Variants in SF3A1 observed in about 807,000 individuals in gnomAD.
The protein encoded by SF3A1 is splicing factor 3a subunit 1, also known as SAP 114.
Under a neutral mutation model 89.9 loss-of-function variants are expected in SF3A1, and 13 were observed. That is an observed-to-expected ratio of 0.14 (90% CI 0.09 to 0.23). The LOEUF is 0.23. SF3A1 is among the 10% of genes least tolerant of loss of function. The probability of loss-of-function intolerance (pLI) is 1.00; values close to 1 mark genes in which losing one functional copy is unlikely to be tolerated. For missense variants in SF3A1, 604 were observed against 1,022.1 expected (o/e 0.59, Z 5.58); for synonymous variants, 405 against 374.4 (o/e 1.08, Z -0.94).
chr22:30,336,053 C>T (rs915105368), intron 13 of SF3A1, among the ~76,000 whole-genome samples: 1 of 152,186 alleles, frequency 6.6e-6, no homozygotes, highest in Non-Finnish European at 1.5e-5. Context: ...CCTGCAGGGT[C>T]GGAAGACCTG....
Position 30,350,313 on chromosome 22 carries a change from T to TAAAAAAA in SF3A1, c.185+2631_185+2637dup, listed in dbSNP as rs898407699. Among the ~76,000 whole-genome samples the TAAAAAAA allele has an allele frequency of 6.5e-5, 9 of 139,390 alleles. 1 individual carries two copies. The highest frequency in any genetic ancestry group is 1.4e-4 in the Non-Finnish European group (9 of 63,518). The allele number at this position is 139,390 out of a possible 152,430, so 91.4% of individuals were successfully genotyped here. ...ATCTATACAAAAAAACTAAAAAAAA[T>TAAAAAAA]AAAAAAAATAAAAAAAAAATTAGCT... On this transcript the variant is annotated intron_variant, in intron 2 of 15. Transcript: ENST00000215793.
At chr22:30,338,637 T>A in intron 11 of SF3A1, 152 bp downstream of exon 11, 1 of 926,256 alleles carries the variant, frequency 1.1e-6, no homozygotes, top group Non-Finnish European at 1.6e-6. Flanking sequence ...AGAGAGAGGT[T>A]CCCACTTGCA....
chr22:30,345,971 T>TGCTGCCCTCACATCACGGC (rs1906658802), intron 3 of SF3A1, among the ~76,000 whole-genome samples: 3 of 152,084 alleles, frequency 2.0e-5, no homozygotes, highest in African/African-American at 7.2e-5. Context: ...AAGTAGGAAG[T>TGCTGCCCTCACATCACGGC]GCTGCCCTCA....
In SF3A1 at chr22:30,333,016, G is replaced by A. The variant is rs1001941194; in HGVS notation, c.*1578C>T. The A allele has an allele frequency of 6.6e-6, 1 of 152,150 alleles. No individual in the cohort carries two copies. Among genetic ancestry groups the A allele is most frequent in the African/African-American group, 2.4e-5 (1 of 41,410 alleles). 9.4% of individuals were successfully genotyped at this position (152,150 alleles called of 1,614,324 possible). On this transcript the variant is annotated 3_prime_UTR_variant, in exon 16 of 16. Transcript: ENST00000215793. ...CCAGGTAGTGCTCAGGGGATTTCTGGTGTTGGCCATGGACAAGCAACCAGT... is the reference window on the plus strand; with the variant it reads ...CCAGGTAGTGCTCAGGGGATTTCTGATGTTGGCCATGGACAAGCAACCAGT...
intron 1 of SF3A1, 147 bp from the exon 2 acceptor site, chr22:30,353,219 T>C (rs1931654758): frequency 2.0e-6 from 2 of 1,019,642 alleles, no homozygotes; most frequent in Admixed American, 5.7e-5. Context: ...AGAAAAGCAG[T>C]TCTCTTAAGT....
intron 2 of SF3A1, among the ~76,000 whole-genome samples, chr22:30,348,914 A>G (rs1308890024): frequency 1.3e-5 from 2 of 152,194 alleles, no homozygotes; most frequent in African/African-American, 4.8e-5. Context: ...TAAAACAATG[A>G]GAAGGCTTGG....
chr22:30,340,001 C>G (rs190927235), intron 9 of SF3A1, among the ~76,000 whole-genome samples, 195 bp downstream of exon 9: 1 of 152,364 alleles, frequency 6.6e-6, no homozygotes, highest in African/African-American at 2.4e-5. Flanking sequence ...CACATGGCAT[C>G]TCCTTCAGTG....
intron 1 of SF3A1, among the ~76,000 whole-genome samples, chr22:30,354,992 A>G (rs1931725662): frequency 6.6e-6 from 1 of 151,676 alleles, no homozygotes; most frequent in African/African-American, 2.4e-5. Context: ...AAATATATTA[A>G]CTCTTATAAC....
intron 15 of SF3A1, 35 bp downstream of exon 15, chr22:30,335,432 A>C: frequency 1.9e-6 from 3 of 1,578,172 alleles, no homozygotes; most frequent in Non-Finnish European, 2.6e-6. Context: ...AGGTGTCAGG[A>C]CCCAAGGGAC....
intron 3 of SF3A1, among the ~76,000 whole-genome samples, chr22:30,345,928 C>T (rs1931403833): frequency 6.6e-6 from 1 of 152,086 alleles, no homozygotes; most frequent in African/African-American, 2.4e-5. Context: ...CAAGGAGGAG[C>T]CCACAGGCCA....
intron 6 of SF3A1, 129 bp downstream of exon 6, chr22:30,342,071 A>G: frequency 8.0e-7 from 1 of 1,245,526 alleles, no homozygotes; most frequent in South Asian, 1.2e-5. Context: ...GTCTTTTGGG[A>G]GCAGGGAGGA....
At chr22:30,335,791 C>G in intron 13 of SF3A1, 38 bp from the exon 14 acceptor site, 1 of 1,536,348 alleles carries the variant, frequency 6.5e-7, no homozygotes, top group Non-Finnish European at 9.0e-7. Context: ...CTAGGGAGCT[C>G]GGAGCCAATC....
intron 1 of SF3A1, among the ~76,000 whole-genome samples, chr22:30,355,419 T>A (rs561554369): frequency 1.6e-4 from 24 of 152,352 alleles, no homozygotes; most frequent in Non-Finnish European, 3.2e-4. Context: ...CTGAAGAGCC[T>A]GCCTACCCCC....
At chr22:30,340,563 A>G in intron 8 of SF3A1, 132 bp downstream of exon 8, 1 of 847,948 alleles carries the variant, frequency 1.2e-6, no homozygotes, top group Non-Finnish European at 1.9e-6. Context: ...TGAAACCTGT[A>G]ACAGACGGGC....
At chr22:30,353,146 T>A in intron 1 of SF3A1, 74 bp from the exon 2 acceptor site, 1 of 1,550,790 alleles carries the variant, frequency 6.4e-7, no homozygotes. Context: ...AAAACTCCTC[T>A]AGGATATCAT....
At chr22:30,338,124 C>T (rs1241870592) in intron 11 of SF3A1, among the ~76,000 whole-genome samples, 2 of 152,110 alleles carry the variant, frequency 1.3e-5, no homozygotes, top group African/African-American at 2.4e-5. Context: ...GGGTCAAACT[C>T]GACCTGCTAC....
rs1380568290 is a variant in SF3A1, at chr22:30,338,741, A to G, written c.1743+48T>C. 7.4e-6 allele frequency: 12 copies of G among 1,611,442 alleles called. No individual in the cohort carries two copies. The East Asian group carries it at 2.7e-4, about 36-fold the overall frequency. Reference sequence around the variant, plus strand: ...TTCTCAGCCAACAGTGTCCGACCTCAAGAATGAAGCTCTAAAAAAGTCAGT... The same window carrying G: ...TTCTCAGCCAACAGTGTCCGACCTCGAGAATGAAGCTCTAAAAAAGTCAGT... On this transcript the variant is annotated intron_variant, in intron 11 of 15. Coordinates refer to ENST00000215793, the MANE Select transcript of SF3A1 (RefSeq NM_005877.6).
At chr22:30,356,399 C>T (rs1030611526) in intron 1 of SF3A1, among the ~76,000 whole-genome samples, 2 of 152,244 alleles carry the variant, frequency 1.3e-5, no homozygotes, top group African/African-American at 4.8e-5. Context: ...AGAGGATGGG[C>T]TGGATCAGCG....
Position 30,335,501 on chromosome 22 carries a change from C to A in SF3A1, c.2246G>T (p.Gly749Val). Residue 749 changes from glycine to valine, a missense_variant, in exon 15 of 16, where the codon GGC (glycine) becomes GTC (valine). This residue lies in a region of SF3A1 where 74 missense variants were observed against 141.3 expected (regional missense o/e 0.52). Coordinates refer to ENST00000215793, the MANE Select transcript of SF3A1 (RefSeq NM_005877.6). ...TAGCTTCTGTTTCCCTGCAGGCATG[C>A]CTGTGGCTTCATGAATCTTCACCTT... ...VIKVKIHEAT[G>V]MPAGKQKLQY... 1 of 1,614,196 alleles carries A rather than the reference C, an allele frequency of 6.2e-7. No individual in the cohort carries two copies. The highest frequency in any genetic ancestry group is 1.1e-5 in the South Asian group (1 of 91,082).
Sources: gnomAD v4.1 joint callset for allele counts (sites outside exome capture counted in the v4.1 genomes callset) on GRCh38, gnomAD v4.1.1 for gene constraint, gnomAD v4.1.1 regional missense constraint, MANE v1.5 for transcripts, NCBI Gene and HGNC (gene_info 2026-07-23, HGNC 2026-07-21) for gene names.